The following MALRD1 variants were observed in gnomAD, a reference collection of about 807,000 sequenced individuals.
MALRD1 encodes MAM and LDL receptor class A domain containing 1.
In MALRD1, 247 loss-of-function variants were observed where a neutral mutation model predicts 242.1. The ratio of observed to expected loss-of-function variants is 1.02; its 90% confidence interval spans 0.92 to 1.13. The LOEUF (loss-of-function observed/expected upper bound fraction) is 1.13. Ranked by LOEUF, MALRD1 falls within the 50% of genes most tolerant of loss-of-function variation. MALRD1 has a pLI of 0.00. For missense variants in MALRD1, 2,989 were observed against 2,533.1 expected (o/e 1.18, Z -3.86); for synonymous variants, 995 against 866.6 (o/e 1.15, Z -2.60).
intron 33 of MALRD1, among the ~76,000 whole-genome samples, chr10:19,588,704 G>A (rs189272522): frequency 6.6e-5 from 10 of 152,114 alleles, no homozygotes; most frequent in South Asian, 2.1e-4. Flanking sequence ...ATGCAATGGC[G>A]CAACCTCTGC....
intron 2 of MALRD1, among the ~76,000 whole-genome samples, chr10:19,083,613 C>A (rs967084183): frequency 6.6e-6 from 1 of 151,894 alleles, no homozygotes; most frequent in Non-Finnish European, 1.5e-5. Flanking sequence ...TAATTGTGGT[C>A]TTTCAGAGAA....
chr10:19,250,889 G>A (rs1588780691), intron 18 of MALRD1, among the ~76,000 whole-genome samples: 1 of 151,784 alleles, frequency 6.6e-6, no homozygotes, highest in Non-Finnish European at 1.5e-5. Context: ...TTCTCTGTAA[G>A]TAAAAAAACA....
At chr10:19,590,829 A>T (rs981529775) in intron 33 of MALRD1, among the ~76,000 whole-genome samples, 1 of 152,226 alleles carries the variant, frequency 6.6e-6, no homozygotes, top group East Asian at 1.9e-4. Context: ...CTTCCCTGCT[A>T]TTAACATTCT....
In MALRD1 at chr10:19,448,484, T is replaced by C. The variant is rs186126890; in HGVS notation, c.4846-1823T>C. Among the ~76,000 whole-genome samples the C allele has an allele frequency of 3.9e-3, 597 of 151,728 alleles. 7 individuals are homozygous for C. The highest frequency in any genetic ancestry group is 6.3e-3 in the Non-Finnish European group (428 of 68,006). On this transcript the variant is annotated intron_variant, in intron 28 of 39. Coordinates refer to ENST00000454679, the MANE Select transcript of MALRD1 (RefSeq NM_001142308.3). ...TCCATCATTATGATTTGTTAAATCATCTAGTTCCCAGAAAGGGCTAGACCT... is the reference window on the plus strand; with the variant it reads ...TCCATCATTATGATTTGTTAAATCACCTAGTTCCCAGAAAGGGCTAGACCT...
At chr10:19,262,347 CTG>C (rs61614574) in intron 19 of MALRD1, among the ~76,000 whole-genome samples, 58,913 of 151,138 alleles carry the variant, frequency 0.39, 11,686 homozygotes, top group Admixed American at 0.55. Context: ...TACCCCTCCT[CTG>C]TGTGTGTGTG....
chr10:19,088,561 AAGTTTTTT>A, intron 4 of MALRD1, among the ~76,000 whole-genome samples: 1 of 94,588 alleles, frequency 1.1e-5, no homozygotes, highest in Non-Finnish European at 2.1e-5. Context: ...TTATTTTATA[AAGTTTTTT>A]TTTATTTATT....
intron 6 of MALRD1, among the ~76,000 whole-genome samples, chr10:19,123,825 A>G (rs1837153800): frequency 6.6e-6 from 1 of 152,184 alleles, no homozygotes; most frequent in South Asian, 2.1e-4. Context: ...TTTCTTCTAT[A>G]AAATTTCAGT....
chr10:19,597,738 T>C (rs147824618), intron 34 of MALRD1, among the ~76,000 whole-genome samples: 1 of 152,274 alleles, frequency 6.6e-6, no homozygotes, highest in East Asian at 1.9e-4. Context: ...AGGAATACTA[T>C]ATGAGCAATC....
At chr10:19,551,699 T>C (rs1468257002) in intron 32 of MALRD1, among the ~76,000 whole-genome samples, 2 of 152,142 alleles carry the variant, frequency 1.3e-5, no homozygotes, top group African/African-American at 4.8e-5. Context: ...CTTCTAGCTT[T>C]TGCCCATTGA....
chr10:19,472,594 G>A (rs1836548905), intron 29 of MALRD1, among the ~76,000 whole-genome samples: 1 of 151,910 alleles, frequency 6.6e-6, no homozygotes, highest in African/African-American at 2.4e-5. Flanking sequence ...TTATTGGTCT[G>A]TTCAGGTTTT....
intron 11 of MALRD1, among the ~76,000 whole-genome samples, chr10:19,148,053 G>A (rs1355990218): frequency 1.3e-5 from 2 of 152,182 alleles, no homozygotes; most frequent in Admixed American, 1.3e-4. Flanking sequence ...GGTGACCCAG[G>A]TAGTCATGTT....
chr10:19,398,658 T>C (rs1846693117), intron 28 of MALRD1, among the ~76,000 whole-genome samples: 1 of 152,192 alleles, frequency 6.6e-6, no homozygotes, highest in Admixed American at 6.5e-5. Flanking sequence ...ATAACTCTCT[T>C]GAAAATTAAT....
intron 36 of MALRD1, among the ~76,000 whole-genome samples, chr10:19,628,800 A>G (rs758457376): frequency 6.6e-6 from 1 of 152,212 alleles, no homozygotes; most frequent in Non-Finnish European, 1.5e-5. Flanking sequence ...TTATATTTTT[A>G]AAAATACTAA....
chr10:19,480,598 A>G (rs2131175629), intron 29 of MALRD1, among the ~76,000 whole-genome samples: 1 of 152,336 alleles, frequency 6.6e-6, no homozygotes, highest in Non-Finnish European at 1.5e-5. Context: ...TTAAAATGGT[A>G]ATTAGGACAT....
At chr10:19,177,760 G>T (rs1835324377) in intron 14 of MALRD1, among the ~76,000 whole-genome samples, 1 of 152,192 alleles carries the variant, frequency 6.6e-6, no homozygotes, top group African/African-American at 2.4e-5. Context: ...TCGGACAAAA[G>T]GGTATGATCC....
intron 21 of MALRD1, among the ~76,000 whole-genome samples, chr10:19,291,907 A>C (rs1309513281): frequency 1.3e-5 from 2 of 151,758 alleles, no homozygotes; most frequent in Non-Finnish European, 2.9e-5. Context: ...CAACTTGGTG[A>C]AACCCCATCT....
At chr10:19,261,461 AT>A (rs973048178) in intron 19 of MALRD1, among the ~76,000 whole-genome samples, 2 of 151,680 alleles carry the variant, frequency 1.3e-5, no homozygotes, top group African/African-American at 4.8e-5. Context: ...AAAAAAAAAA[AT>A]GTTACTCTTG....
intron 36 of MALRD1, among the ~76,000 whole-genome samples, chr10:19,649,245 A>G (rs1840768430): frequency 1.3e-5 from 2 of 152,166 alleles, no homozygotes; most frequent in Admixed American, 6.5e-5. Context: ...TCCTCTGGGT[A>G]TACACCCAGT....
intron 29 of MALRD1, among the ~76,000 whole-genome samples, chr10:19,482,285 C>G (rs573459433): frequency 1.7e-4 from 26 of 151,858 alleles, no homozygotes; most frequent in African/African-American, 6.3e-4. Flanking sequence ...TTGAAACATG[C>G]CTACCATAAA....
Sources: gnomAD v4.1 joint callset for allele counts (sites outside exome capture counted in the v4.1 genomes callset) on GRCh38, gnomAD v4.1.1 for gene constraint, MANE v1.5 for transcripts, NCBI Gene and HGNC (gene_info 2026-07-23, HGNC 2026-07-21) for gene names.